CDH18: variants seen among roughly 807,000 people sequenced by gnomAD.
CDH18 encodes cadherin-18.
Under a neutral mutation model 67.9 loss-of-function variants are expected in CDH18, and 31 were observed. The ratio of observed to expected loss-of-function variants is 0.46; its 90% confidence interval spans 0.34 to 0.62. The LOEUF is 0.62. Among genes scored for constraint, CDH18 ranks in the 20% least tolerant of loss-of-function variants. The pLI is 0.01. For synonymous variants in CDH18, 362 were observed against 347.2 expected, an observed-to-expected ratio of 1.04 and a Z score of -0.48; for missense variants, 890 against 975.5, an observed-to-expected ratio of 0.91 and a Z score of 1.17.
At chr5:19,554,364 A>G (rs1738004845) in intron 8 of CDH18, among the ~76,000 whole-genome samples, 2 of 152,096 alleles carry the variant, frequency 1.3e-5, no homozygotes, top group South Asian at 4.1e-4. Context: ...AGCCTGACCA[A>G]CATGGCCAAA....
chr5:19,498,940 T>C (rs1056541438), intron 11 of CDH18, among the ~76,000 whole-genome samples: 5 of 152,230 alleles, frequency 3.3e-5, no homozygotes, highest in African/African-American at 1.2e-4. Flanking sequence ...ACATCTCTTA[T>C]ATGCTGGTTG....
At chr5:20,416,435 T>C (rs1364172622) in intron 1 of CDH18, among the ~76,000 whole-genome samples, 4 of 152,064 alleles carry the variant, frequency 2.6e-5, no homozygotes, top group Non-Finnish European at 5.9e-5. Flanking sequence ...AAATGCATCA[T>C]AATAAGAATG....
intron 2 of CDH18, among the ~76,000 whole-genome samples, chr5:19,948,094 T>C (rs1391551727): frequency 6.6e-6 from 1 of 152,184 alleles, no homozygotes; most frequent in African/African-American, 2.4e-5. Context: ...ACAAACACCA[T>C]TTAGAATAGC....
Position 19,745,873 on chromosome 5 carries a change from G to C in CDH18, c.523+1069C>G, listed in dbSNP as rs150239604. 2.7e-3 allele frequency among the ~76,000 whole-genome samples: 417 copies of C among 152,108 alleles called. 2 individuals are homozygous for C. Among genetic ancestry groups the C allele is most frequent in the African/African-American group, 9.7e-3 (401 of 41,510 alleles). ...CTAACATGGGCTGGAATCTGGAGTT[G>C]AGAGAAAAGATGCTACCATCTTCCA... is the stretch of plus-strand genomic sequence containing the variant. On this transcript the variant is annotated intron_variant, in intron 4 of 12. Coordinates refer to ENST00000382275, the MANE Select transcript of CDH18 (RefSeq NM_004934.5).
chr5:19,895,847 G>A (rs1015455696), intron 2 of CDH18, among the ~76,000 whole-genome samples: 1 of 152,082 alleles, frequency 6.6e-6, no homozygotes, highest in African/African-American at 2.4e-5. Flanking sequence ...ATTTCCAGGG[G>A]TGAGGGGACC....
intron 2 of CDH18, among the ~76,000 whole-genome samples, chr5:20,087,545 A>G (rs2150553838): frequency 6.6e-6 from 1 of 152,242 alleles, no homozygotes; most frequent in Admixed American, 6.5e-5. Flanking sequence ...CAGTGACCTT[A>G]ACCTTCAGCA....
chr5:19,854,323 AG>A (rs1253587581), intron 2 of CDH18, among the ~76,000 whole-genome samples: 2 of 152,154 alleles, frequency 1.3e-5, no homozygotes, highest in Admixed American at 6.6e-5. Context: ...TATATACAAC[AG>A]GCCAATCATT....
chr5:19,609,863 T>C (rs1198911643), intron 6 of CDH18, among the ~76,000 whole-genome samples: 1 of 152,070 alleles, frequency 6.6e-6, no homozygotes, highest in African/African-American at 2.4e-5. Flanking sequence ...TTGAGCTGTG[T>C]ATAGACTTGC....
At chr5:20,053,434 CCCA>C (rs887003907) in intron 2 of CDH18, among the ~76,000 whole-genome samples, 24 of 151,938 alleles carry the variant, frequency 1.6e-4, no homozygotes, top group African/African-American at 5.8e-4. Flanking sequence ...GATAATCTCT[CCCA>C]CCACCATTCT....
At chr5:19,503,207 G>T in intron 10 of CDH18, 98 bp from the exon 11 acceptor site, 2 of 637,204 alleles carry the variant, frequency 3.1e-6, no homozygotes, top group Non-Finnish European at 5.5e-6. Flanking sequence ...ATTTTTAAAG[G>T]ATCTTTTCTT....
chr5:19,921,420 A>T (rs922886860), intron 2 of CDH18, among the ~76,000 whole-genome samples: 2 of 151,444 alleles, frequency 1.3e-5, no homozygotes, highest in Non-Finnish European at 2.9e-5. Flanking sequence ...AGTCCCAGCT[A>T]CTCGGGAGGC....
intron 1 of CDH18, among the ~76,000 whole-genome samples, chr5:20,560,554 G>C (rs1263950189): frequency 6.7e-6 from 1 of 149,398 alleles, no homozygotes; most frequent in Non-Finnish European, 1.5e-5. Context: ...GGTAATTCAA[G>C]AGCAGAGAGA....
intron 4 of CDH18, among the ~76,000 whole-genome samples, chr5:19,732,591 A>G (rs921870092): frequency 3.3e-5 from 5 of 152,236 alleles, no homozygotes; most frequent in Admixed American, 6.5e-5. Flanking sequence ...ATAGTAATTA[A>G]GCCCATAAGG....
In CDH18 at chr5:19,778,587, C is replaced by T. The variant is rs551566268; in HGVS notation, c.229-31351G>A. ...AAACAAAATTAGAAAGATAGACCTA[C>T]TACATAAATAATCTCTGGTTTTCCT... On this transcript the variant is annotated intron_variant, in intron 3 of 12. Transcript: ENST00000382275. Among the ~76,000 whole-genome samples the T allele has an allele frequency of 5.3e-5, 8 of 152,230 alleles. No individual in the cohort carries two copies. The South Asian group carries it at 1.7e-3, about 32-fold the overall frequency.
chr5:20,180,900 T>C (rs1304538172), intron 2 of CDH18, among the ~76,000 whole-genome samples: 1 of 152,142 alleles, frequency 6.6e-6, no homozygotes, highest in Non-Finnish European at 1.5e-5. Context: ...ATCATTGATA[T>C]AACTATTACA....
chr5:20,305,603 C>T (rs1736361489), intron 1 of CDH18: 1 of 534,250 alleles, frequency 1.9e-6, no homozygotes, highest in Non-Finnish European at 3.3e-6. Context: ...CCTCAGAGGA[C>T]TTGGTGCTCG....
chr5:19,802,884 C>T lies in CDH18; in HGVS notation c.228+35875G>A, dbSNP rs181481772. On this transcript the variant is annotated intron_variant, in intron 3 of 12. Coordinates refer to ENST00000382275, the MANE Select transcript of CDH18 (RefSeq NM_004934.5). Reference sequence around the variant, plus strand: ...AGCAATAATAGTTTAAGTCTGGTGACGGAAGTGTCATGGGCAATGGTCTGG... The same window carrying T: ...AGCAATAATAGTTTAAGTCTGGTGATGGAAGTGTCATGGGCAATGGTCTGG... Among the ~76,000 whole-genome samples, 34 of 152,308 alleles carry T rather than the reference C, an allele frequency of 2.2e-4. No homozygotes were observed. In the East Asian group the frequency reaches 5.6e-3, roughly 25 times the overall value.
chr5:20,331,887 GAGA>G (rs1191670848), intron 1 of CDH18, among the ~76,000 whole-genome samples: 2 of 152,144 alleles, frequency 1.3e-5, no homozygotes, highest in Non-Finnish European at 2.9e-5. Context: ...TATTAGAAAA[GAGA>G]AGAAGGGTCT....
intron 1 of CDH18, among the ~76,000 whole-genome samples, chr5:20,411,786 C>T (rs1189097682): frequency 1.9e-5 from 2 of 107,160 alleles, no homozygotes; most frequent in South Asian, 2.9e-4. Context: ...TTACAATAGC[C>T]CCCTGCCCAC....
Sources: gnomAD v4.1 joint callset for allele counts (sites outside exome capture counted in the v4.1 genomes callset) on GRCh38, gnomAD v4.1.1 for gene constraint, MANE v1.5 for transcripts, NCBI Gene and HGNC (gene_info 2026-07-23, HGNC 2026-07-21) for gene names.